The following L3MBTL4 variants were observed in gnomAD, a reference collection of about 807,000 sequenced individuals.
L3MBTL4 encodes the protein lethal(3)malignant brain tumor-like protein 4.
Under a neutral mutation model 84.5 loss-of-function variants are expected in L3MBTL4, and 70 were observed. The observed-to-expected ratio is 0.83, with a 90% confidence interval of 0.68 to 1.01. The LOEUF is 1.01. Among genes scored for constraint, L3MBTL4 ranks in the 50% least tolerant of loss-of-function variants. The pLI, the probability that L3MBTL4 is intolerant of heterozygous loss-of-function variation, is 0.00. For missense variants in L3MBTL4, 715 were observed against 754.8 expected, an observed-to-expected ratio of 0.95 and a Z score of 0.62; for synonymous variants, 274 against 259.8, an observed-to-expected ratio of 1.05 and a Z score of -0.52.
chr18:6,380,275 A>T (rs2054543918), intron 1 of L3MBTL4, among the ~76,000 whole-genome samples: 1 of 151,978 alleles, frequency 6.6e-6, no homozygotes, highest in African/African-American at 2.4e-5. Flanking sequence ...CAACTCCTGG[A>T]TTCATTGATT....
intron 13 of L3MBTL4, among the ~76,000 whole-genome samples, chr18:6,141,769 C>A (rs1219373663): frequency 6.6e-6 from 1 of 152,200 alleles, no homozygotes; most frequent in Non-Finnish European, 1.5e-5. Flanking sequence ...TTCACTCTTC[C>A]TAATCTATTT....
chr18:6,201,741 C>A (rs778197055), intron 12 of L3MBTL4, among the ~76,000 whole-genome samples: 8 of 152,166 alleles, frequency 5.3e-5, no homozygotes, highest in Non-Finnish European at 7.3e-5. Flanking sequence ...AACAACCTGA[C>A]TTAATCATTA....
At chr18:6,377,417 C>A (rs545461697) in intron 1 of L3MBTL4, among the ~76,000 whole-genome samples, 5 of 152,242 alleles carry the variant, frequency 3.3e-5, no homozygotes, top group African/African-American at 1.2e-4. Context: ...TGGTTTGCTG[C>A]ACCCATCAAC....
At chr18:6,398,469 T>G (rs1453213276) in intron 1 of L3MBTL4, among the ~76,000 whole-genome samples, 2 of 152,174 alleles carry the variant, frequency 1.3e-5, no homozygotes, top group African/African-American at 4.8e-5. Flanking sequence ...AAGGGCTGCC[T>G]GGGATCACGT....
At chr18:6,222,789 T>G (rs2046612469) in intron 10 of L3MBTL4, among the ~76,000 whole-genome samples, 1 of 151,972 alleles carries the variant, frequency 6.6e-6, no homozygotes, top group Non-Finnish European at 1.5e-5. Context: ...ATAATTTATA[T>G]TATCCTCTGA....
chr18:5,969,869 C>T (rs1480105058), intron 16 of L3MBTL4, among the ~76,000 whole-genome samples: 2 of 152,224 alleles, frequency 1.3e-5, no homozygotes, highest in Non-Finnish European at 2.9e-5. Flanking sequence ...CTGCCACTGG[C>T]TTCTCTCTCC....
chr18:6,077,795 C>T (rs1340008687), intron 16 of L3MBTL4, among the ~76,000 whole-genome samples: 1 of 151,504 alleles, frequency 6.6e-6, no homozygotes, highest in East Asian at 1.9e-4. Flanking sequence ...CTTTGGGAGG[C>T]CGAGGTCAGT....
At position 6,301,841 on chromosome 18, in the gene L3MBTL4, A is replaced by G. The variant is rs2050352016; in HGVS notation, c.127+62T>C. 8 of 1,188,476 alleles carry G rather than the reference A, an allele frequency of 6.7e-6. No individual in the cohort carries two copies. The East Asian group carries it at 1.6e-4, about 24-fold the overall frequency. The allele number at this position is 1,188,476 out of a possible 1,614,324, so 73.6% of individuals were successfully genotyped here. A position where few individuals can be genotyped will look rare whatever the true frequency, so the allele number is the denominator to read the frequency against. On this transcript the variant is annotated intron_variant, in intron 4 of 18. Transcript: ENST00000317931. ...AAACCTAAAACAACTAAGCAATCTA[A>G]TAAAAATTCACTTAAAATTTGTTCA...
chr18:6,205,824 G>C (rs1014043094), intron 12 of L3MBTL4, among the ~76,000 whole-genome samples: 1 of 152,176 alleles, frequency 6.6e-6, no homozygotes, highest in Non-Finnish European at 1.5e-5. Context: ...CAAAAGAGAC[G>C]ATGTTTGGCA....
At chr18:6,168,208 T>C (rs964828393) in intron 13 of L3MBTL4, among the ~76,000 whole-genome samples, 3 of 152,138 alleles carry the variant, frequency 2.0e-5, no homozygotes, top group Non-Finnish European at 4.4e-5. Flanking sequence ...CATTCCATGC[T>C]CATGGGTAGG....
intron 12 of L3MBTL4, among the ~76,000 whole-genome samples, chr18:6,201,582 C>G (rs540157538): frequency 3.9e-5 from 6 of 152,092 alleles, no homozygotes; most frequent in African/African-American, 1.4e-4. Context: ...TTGGCTCACT[C>G]GGAAATTTAT....
intron 16 of L3MBTL4, among the ~76,000 whole-genome samples, chr18:6,066,894 CATAT>C (rs2057417873): frequency 1.3e-5 from 2 of 149,342 alleles, no homozygotes; most frequent in South Asian, 4.2e-4. Flanking sequence ...TTCTAGTGAT[CATAT>C]TAGATGTTGC....
chr18:6,068,837 C>A (rs2057485381), intron 16 of L3MBTL4, among the ~76,000 whole-genome samples: 1 of 152,124 alleles, frequency 6.6e-6, no homozygotes, highest in African/African-American at 2.4e-5. Flanking sequence ...AAGAAACGTC[C>A]CACTAGTGGA....
At chr18:6,025,922 T>A (rs1232502471) in intron 16 of L3MBTL4, among the ~76,000 whole-genome samples, 3 of 152,236 alleles carry the variant, frequency 2.0e-5, no homozygotes, top group Admixed American at 6.5e-5. Context: ...TACCTGTCCA[T>A]GGCCTGTAGG....
chr18:6,279,792 A>G (rs1340955910), intron 4 of L3MBTL4, among the ~76,000 whole-genome samples: 1 of 152,164 alleles, frequency 6.6e-6, no homozygotes, highest in East Asian at 1.9e-4. Flanking sequence ...AGATGGCAGT[A>G]TTCACTTCAT....
At chr18:6,032,741 C>T (rs1379405559) in intron 16 of L3MBTL4, among the ~76,000 whole-genome samples, 1 of 152,162 alleles carries the variant, frequency 6.6e-6, no homozygotes, top group East Asian at 1.9e-4. Flanking sequence ...GCAAGCCCCA[C>T]TCTACTTTCT....
intron 16 of L3MBTL4, among the ~76,000 whole-genome samples, chr18:6,021,647 G>A (rs566542143): frequency 1.3e-5 from 2 of 152,270 alleles, no homozygotes; most frequent in African/African-American, 4.8e-5. Flanking sequence ...GCGCAAAAGG[G>A]AAGACACTGA....
At chr18:6,129,548 C>T (rs1017062461) in intron 14 of L3MBTL4, among the ~76,000 whole-genome samples, 9 of 152,116 alleles carry the variant, frequency 5.9e-5, no homozygotes, top group Non-Finnish European at 2.9e-5. Flanking sequence ...ATAGATTTCT[C>T]TCTGAACATA....
At chr18:6,179,904 C>T (rs1255792978) in intron 12 of L3MBTL4, among the ~76,000 whole-genome samples, 2 of 152,194 alleles carry the variant, frequency 1.3e-5, no homozygotes, top group African/African-American at 4.8e-5. Flanking sequence ...TCCCAAAGCT[C>T]TGGGATTACA....
Sources: gnomAD v4.1 joint callset for allele counts (sites outside exome capture counted in the v4.1 genomes callset) on GRCh38, gnomAD v4.1.1 for gene constraint, MANE v1.5 for transcripts, NCBI Gene and HGNC (gene_info 2026-07-23, HGNC 2026-07-21) for gene names.